Variants in MIGA1 observed in about 807,000 individuals in gnomAD.
MIGA1 encodes mitoguardin 1.
MIGA1 carries 58 observed loss-of-function variants against 82.0 expected under a neutral mutation model. The ratio of observed to expected loss-of-function variants is 0.71; its 90% CI spans 0.57 to 0.88. MIGA1 has a LOEUF of 0.88. Ranked by LOEUF, MIGA1 falls within the 40% of genes least tolerant of loss-of-function variation. The pLI, the probability that MIGA1 is intolerant of heterozygous loss-of-function variation, is 0.00. For synonymous variants in MIGA1, 249 were observed against 253.6 expected (o/e 0.98, Z 0.17); for missense variants, 751 against 749.1 (o/e 1.00, Z -0.03).
chr1:77,856,612 AT>A (rs758655602), intron 8 of MIGA1, among the ~76,000 whole-genome samples: 3 of 151,752 alleles, frequency 2.0e-5, no homozygotes, highest in Non-Finnish European at 4.4e-5. Context: ...GGAAGGTTGT[AT>A]TTTTCCAGGA....
chr1:77,784,574 G>T (rs1365136374), intron 2 of MIGA1, among the ~76,000 whole-genome samples: 1 of 152,144 alleles, frequency 6.6e-6, no homozygotes, highest in Non-Finnish European at 1.5e-5. Flanking sequence ...CACAGTAGCT[G>T]TACCACTTTA....
intron 5 of MIGA1, among the ~76,000 whole-genome samples, chr1:77,807,608 T>A (rs531331914): frequency 6.6e-6 from 1 of 152,068 alleles, no homozygotes; most frequent in Admixed American, 6.5e-5. Context: ...GCAGAAAGAG[T>A]TTTGGAGGCT....
At chr1:77,839,161 C>T (rs773661240) in intron 7 of MIGA1, among the ~76,000 whole-genome samples, 12 of 152,066 alleles carry the variant, frequency 7.9e-5, no homozygotes, top group Non-Finnish European at 1.6e-4. Flanking sequence ...AGTGGTTCTG[C>T]CAGTTGTTTC....
chr1:77,821,636 C>T (rs1264727364), intron 7 of MIGA1, among the ~76,000 whole-genome samples: 5 of 152,038 alleles, frequency 3.3e-5, no homozygotes, highest in Non-Finnish European at 7.4e-5. Flanking sequence ...TCAGGTGATC[C>T]GCCCGCCTCC....
chr1:77,794,409 A>G (rs780532659), intron 2 of MIGA1, among the ~76,000 whole-genome samples: 27 of 152,134 alleles, frequency 1.8e-4, no homozygotes, highest in Non-Finnish European at 2.8e-4. Flanking sequence ...TCCTTGGTTT[A>G]TATGACCTGC....
chr1:77,871,397 G>A (rs573002384), intron 14 of MIGA1, among the ~76,000 whole-genome samples: 138 of 151,922 alleles, frequency 9.1e-4, no homozygotes, highest in Non-Finnish European at 1.6e-3. Context: ...AGCTACTCAG[G>A]AGGCTGAGGC....
At chr1:77,867,158 T>C (rs181940203) in intron 14 of MIGA1, among the ~76,000 whole-genome samples, 270 of 152,262 alleles carry the variant, frequency 1.8e-3, no homozygotes, top group Admixed American at 3.1e-3. Context: ...CTGCTAAGCA[T>C]TGTTTTCCTC....
At chr1:77,860,176 T>C (rs1339616219) in intron 11 of MIGA1, 50 bp downstream of exon 11, 1 of 1,387,092 alleles carries the variant, frequency 7.2e-7, no homozygotes, top group Non-Finnish European at 1.0e-6. Flanking sequence ...AAGTTGTTTT[T>C]ACCCTTTGAA....
At position 77,806,960 on chromosome 1, in the gene MIGA1, C is replaced by T. The variant is rs919503074; in HGVS notation, c.511-15C>T. The T allele has an allele frequency of 4.4e-6, 7 of 1,593,040 alleles. No homozygotes were observed. Among genetic ancestry groups the T allele is most frequent in the Non-Finnish European group, 6.0e-6 (7 of 1,167,932 alleles). ...GAGAGAGATTTGAAGTAACTTCTAT[C>T]CATCTTAATTTTAGGTCCAGAGTGT... On this transcript the variant is annotated splice_polypyrimidine_tract_variant and intron_variant, in intron 4 of 15. Transcript: ENST00000370791.
chr1:77,838,843 T>C (rs760227042), intron 7 of MIGA1, among the ~76,000 whole-genome samples: 3 of 152,252 alleles, frequency 2.0e-5, no homozygotes, highest in Non-Finnish European at 4.4e-5. Context: ...AGTTTTTCAT[T>C]ATGAATGAAT....
At chr1:77,814,964 T>G (rs1370362164) in intron 6 of MIGA1, 144 bp from the exon 7 acceptor site, 5 of 481,672 alleles carry the variant, frequency 1.0e-5, no homozygotes, top group Non-Finnish European at 1.3e-5. Flanking sequence ...CCTCTTGACT[T>G]CTGCTGCTGT....
At chr1:77,799,300 CT>C (rs1407735976) in intron 2 of MIGA1, among the ~76,000 whole-genome samples, 3 of 152,136 alleles carry the variant, frequency 2.0e-5, no homozygotes, top group Admixed American at 2.0e-4. Context: ...ACATCTAAGA[CT>C]TTCTCATAAA....
At chr1:77,855,136 A>T (rs1267852216) in intron 8 of MIGA1, among the ~76,000 whole-genome samples, 2 of 152,160 alleles carry the variant, frequency 1.3e-5, no homozygotes, top group Non-Finnish European at 2.9e-5. Context: ...TCCCAGCAAC[A>T]TTTGTTGAAA....
intron 7 of MIGA1, among the ~76,000 whole-genome samples, chr1:77,829,146 A>G (rs568362297): frequency 1.3e-4 from 20 of 149,792 alleles, no homozygotes; most frequent in Non-Finnish European, 2.4e-4. Flanking sequence ...TTGGTCAGGT[A>G]TGGTGGCTCA....
intron 15 of MIGA1, 75 bp downstream of exon 15, chr1:77,873,195 T>C: frequency 7.0e-7 from 1 of 1,434,562 alleles, no homozygotes; most frequent in Non-Finnish European, 9.5e-7. Context: ...CTGTTTTGTT[T>C]TGCTTTTGTA....
intron 8 of MIGA1, chr1:77,847,558 A>G (rs941045081): frequency 4.7e-6 from 7 of 1,497,212 alleles, no homozygotes; most frequent in African/African-American, 2.8e-5. Context: ...GATGATAAAG[A>G]GGCATTTGTG....
chr1:77,849,649 A>C (rs562873626), intron 8 of MIGA1, among the ~76,000 whole-genome samples: 29 of 152,346 alleles, frequency 1.9e-4, no homozygotes, highest in Non-Finnish European at 2.9e-4. Flanking sequence ...ACCAATAATA[A>C]TGTACAAAGT....
intron 13 of MIGA1, among the ~76,000 whole-genome samples, chr1:77,864,717 A>G (rs758523106): frequency 8.5e-5 from 13 of 152,232 alleles, no homozygotes; most frequent in Admixed American, 2.6e-4. Context: ...AGATTTACAT[A>G]TACATCTGTC....
chr1:77,836,411 G>C (rs1684424794), intron 7 of MIGA1, among the ~76,000 whole-genome samples: 1 of 152,080 alleles, frequency 6.6e-6, no homozygotes, highest in Non-Finnish European at 1.5e-5. Flanking sequence ...GTTTACAGGG[G>C]ATAATACTTG....
Sources: gnomAD v4.1 joint callset for allele counts (sites outside exome capture counted in the v4.1 genomes callset) on GRCh38, gnomAD v4.1.1 for gene constraint, MANE v1.5 for transcripts, NCBI Gene and HGNC (gene_info 2026-07-23, HGNC 2026-07-21) for gene names.